The following ALDH4A1 variants were observed in gnomAD, a reference collection of about 807,000 sequenced individuals.
ALDH4A1 encodes the protein delta-1-pyrroline-5-carboxylate dehydrogenase, mitochondrial.
ALDH4A1 carries 46 observed loss-of-function variants against 70.5 expected under a neutral mutation model. The observed-to-expected ratio is 0.65, with a 90% CI of 0.51 to 0.83. ALDH4A1 has a LOEUF of 0.83. Among genes scored for constraint, ALDH4A1 ranks in the 40% least tolerant of loss-of-function variants. The pLI is 0.00. For synonymous variants in ALDH4A1, 323 were observed against 324.3 expected (o/e 1.00, Z 0.04); for missense variants, 749 against 766.5 (o/e 0.98, Z 0.27).
At chr1:18,879,511 T>C in intron 8 of ALDH4A1, 138 bp from the exon 9 acceptor site, 1 of 767,334 alleles carries the variant, frequency 1.3e-6, no homozygotes, top group Non-Finnish European at 2.3e-6. Context: ...GGGAACAGGC[T>C]GCATTCCAAG....
In ALDH4A1 at chr1:18,898,801, A is replaced by C. The variant is rs1935705697; in HGVS notation, c.62+3661T>G. On this transcript the variant is annotated intron_variant, in intron 1 of 14. Coordinates refer to ENST00000375341, the MANE Select transcript of ALDH4A1 (RefSeq NM_003748.4). The surrounding 1 kb of genome is among the most constrained non-coding windows in gnomAD (Gnocchi z 4.3). ...TTCAACGCCTACTGTGTGCCGGGCCAGATGCAGGGCACAGGAGGCAGGCTG... is the reference window on the plus strand; with the variant it reads ...TTCAACGCCTACTGTGTGCCGGGCCCGATGCAGGGCACAGGAGGCAGGCTG... Among the ~76,000 whole-genome samples the C allele has an allele frequency of 6.6e-6, 1 of 152,262 alleles. No individual in the cohort carries two copies. The highest frequency in any genetic ancestry group is 6.5e-5 in the Admixed American group (1 of 15,288).
In ALDH4A1 at chr1:18,880,327, G is replaced by GC. The variant is rs1450923536; in HGVS notation, c.867-955dup. On this transcript the variant is annotated intron_variant, in intron 8 of 14. Coordinates refer to ENST00000375341, the MANE Select transcript of ALDH4A1 (RefSeq NM_003748.4). The surrounding 1 kb of genome is among the most constrained non-coding windows in gnomAD (Gnocchi z 5.1). ...CAACAGGAGATTCATCTTCCCCCGAGCCCGCTCGCCCTCCCAGGTGCCCAT... is the reference window on the plus strand; with the variant it reads ...CAACAGGAGATTCATCTTCCCCCGAGCCCCGCTCGCCCTCCCAGGTGCCCAT... 1.3e-5 allele frequency among the ~76,000 whole-genome samples: 2 copies of GC among 152,028 alleles called. No individual in the cohort carries two copies. The highest frequency in any genetic ancestry group is 2.9e-5 in the Non-Finnish European group (2 of 67,966).
At chr1:18,882,818 G>C in intron 7 of ALDH4A1, 1 of 599,032 alleles carries the variant, frequency 1.7e-6, no homozygotes, top group East Asian at 3.2e-5. Context: ...GCTGCTGGAT[G>C]TGTCTCATTT....
intron 9 of ALDH4A1, 57 bp downstream of exon 9, chr1:18,879,243 T>C (rs1934863469): frequency 6.7e-7 from 1 of 1,498,056 alleles, no homozygotes; most frequent in Non-Finnish European, 9.1e-7. Context: ...TCTTTCATAA[T>C]GGCCAGGGGA....
chr1:18,892,566 G>GA (rs939002977), intron 1 of ALDH4A1, among the ~76,000 whole-genome samples: 3 of 151,576 alleles, frequency 2.0e-5, no homozygotes, highest in African/African-American at 7.3e-5. Flanking sequence ...GGCGGGGGGG[G>GA]GCTGAGAGGG....
intron 1 of ALDH4A1, among the ~76,000 whole-genome samples, chr1:18,901,831 T>C (rs1224283674): frequency 6.6e-6 from 1 of 151,842 alleles, no homozygotes; most frequent in Admixed American, 6.6e-5. Flanking sequence ...CACCTGCCAA[T>C]TGCCCGGCCA....
Position 18,889,913 on chromosome 1 carries a change from G to A in ALDH4A1, c.156+99C>T, listed in dbSNP as rs115635206. On this transcript the variant is annotated intron_variant, in intron 2 of 14. Coordinates refer to ENST00000375341, the MANE Select transcript of ALDH4A1 (RefSeq NM_003748.4). ...CAAGGCTGGGAGCAAGGGTAGAAGC[G>A]GGTGATGGCTGCAGGCACGGGGCGC... 3.1e-3 allele frequency: 3,215 copies of A among 1,041,894 alleles called. 56 individuals carry two copies. The African/African-American group carries it at 0.041, about 13-fold the overall frequency. 64.5% of individuals were successfully genotyped at this position (1,041,894 alleles called of 1,614,324 possible). A position where few individuals can be genotyped will look rare whatever the true frequency, so the allele number is the denominator to read the frequency against.
chr1:18,874,717 T>TG lies in ALDH4A1; in HGVS notation c.1461-137dup, dbSNP rs35163726. The TG allele has an allele frequency of 0.68, 570,361 of 844,528 alleles. 195,110 individuals carry two copies. Among genetic ancestry groups the TG allele is most frequent in the Admixed American group, 0.78 (41,128 of 52,664 alleles). The allele number at this position is 844,528 out of a possible 1,614,324, so 52.3% of individuals were successfully genotyped here. ...AGGCCGAGTCAGGGATGAGGGATGCTGCCAGCTGTTGGCTGTGGGCCTTCG... is the reference window on the plus strand; with the variant it reads ...AGGCCGAGTCAGGGATGAGGGATGCTGGCCAGCTGTTGGCTGTGGGCCTTCG... On this transcript the variant is annotated intron_variant, in intron 13 of 14. Transcript: ENST00000375341.
At chr1:18,900,973 G>A in intron 1 of ALDH4A1, 1 of 942,528 alleles carries the variant, frequency 1.1e-6, no homozygotes, top group South Asian at 4.9e-5. Flanking sequence ...ACTAGATATT[G>A]GAGGGTTTTC....
At chr1:18,874,722 G>A in intron 13 of ALDH4A1, 141 bp from the exon 14 acceptor site, 4 of 825,352 alleles carry the variant, frequency 4.8e-6, no homozygotes, top group Non-Finnish European at 2.0e-6. Flanking sequence ...GATGCTGCCA[G>A]CTGTTGGCTG....
At chr1:18,893,837 T>C (rs1935526933) in intron 1 of ALDH4A1, among the ~76,000 whole-genome samples, 1 of 152,200 alleles carries the variant, frequency 6.6e-6, no homozygotes, top group Non-Finnish European at 1.5e-5. Flanking sequence ...AAATTTTTGG[T>C]AAATGACTTA....
chr1:18,876,898 C>A (rs1446454962), intron 11 of ALDH4A1, among the ~76,000 whole-genome samples: 1 of 152,158 alleles, frequency 6.6e-6, no homozygotes, highest in Non-Finnish European at 1.5e-5. Context: ...TATGGAAAGA[C>A]CTACATGTGG....
At chr1:18,884,809 G>T (rs979038806) in intron 5 of ALDH4A1, among the ~76,000 whole-genome samples, 1 of 152,188 alleles carries the variant, frequency 6.6e-6, no homozygotes, top group African/African-American at 2.4e-5. Flanking sequence ...GAAGTCTCAC[G>T]GAGGGGGTGA....
At position 18,876,359 on chromosome 1, in the gene ALDH4A1, A is replaced by G; in HGVS notation, c.1294T>C (p.Cys432Arg). 2 of 1,613,926 alleles carry G rather than the reference A, an allele frequency of 1.2e-6. No individual in the cohort carries two copies. Among genetic ancestry groups the G allele is most frequent in the South Asian group, 1.1e-5 (1 of 91,078 alleles). The part of the protein sequence containing the change: ...DDSVGYFVEP[C>R]IVESKDPQEP... ...TGAGGGTCCTTGCTCTCCACGATGCAGGGCTCCACAAAGTAGCCCACGGAG... is the reference window on the plus strand; with the variant it reads ...TGAGGGTCCTTGCTCTCCACGATGCGGGGCTCCACAAAGTAGCCCACGGAG... The change falls in exon 12 of 15, where the codon TGC becomes CGC. Residue 432 changes from cysteine (C) to arginine (R), a missense_variant. Physicochemically the swap from Cys to Arg is radical, Grantham distance 180. Coordinates refer to ENST00000375341, the MANE Select transcript of ALDH4A1 (RefSeq NM_003748.4).
rs143934723 is a variant in ALDH4A1 at position 18,890,660 on chromosome 1, G to A, written c.63-555C>T. The A allele has an allele frequency of 2.2e-3, 2,207 of 984,198 alleles. 34 individuals carry two copies. In the African/African-American group the frequency reaches 0.036, roughly 16 times the overall value. 61.0% of individuals were successfully genotyped at this position (984,198 alleles called of 1,614,324 possible). ...TTGCCTCCTGTGAACGTGGTTCTAC[G>A]TCTATCAAGTAAGAATAATCGCACC... On this transcript the variant is annotated intron_variant, in intron 1 of 14. Coordinates refer to ENST00000375341, the MANE Select transcript of ALDH4A1 (RefSeq NM_003748.4).
intron 5 of ALDH4A1, among the ~76,000 whole-genome samples, chr1:18,883,821 A>G (rs1161344635): frequency 6.6e-6 from 1 of 152,158 alleles, no homozygotes; most frequent in African/African-American, 2.4e-5. Flanking sequence ...CATGAGCTGG[A>G]GATTGGTCAC....
rs1569741919 is a variant in ALDH4A1 at position 18,880,215 on chromosome 1, G to T, written c.867-842C>A. Among the ~76,000 whole-genome samples the T allele has an allele frequency of 6.9e-6, 1 of 145,868 alleles. No homozygotes were observed. Among genetic ancestry groups the T allele is most frequent in the Non-Finnish European group, 1.5e-5 (1 of 66,302 alleles). The stretch of plus-strand genomic sequence containing the variant: ...AGGGGGTGGCAGAGCCTGGGGCCTG[G>T]AAGAGGAGGTAAGAAGGACCCTGAG... On this transcript the variant is annotated intron_variant, in intron 8 of 14. Coordinates refer to ENST00000375341, the MANE Select transcript of ALDH4A1 (RefSeq NM_003748.4). This position sits in a 1 kb window ranked among gnomAD's most constrained non-coding sequence, Gnocchi z 5.1.
chr1:18,900,080 G>A (rs1935750223), intron 1 of ALDH4A1, among the ~76,000 whole-genome samples: 2 of 152,106 alleles, frequency 1.3e-5, no homozygotes, highest in Non-Finnish European at 2.9e-5. Context: ...CCTCTGTGTG[G>A]TACAATTCCA....
intron 13 of ALDH4A1, among the ~76,000 whole-genome samples, 189 bp downstream of exon 13, chr1:18,875,193 T>C (rs1934621470): frequency 6.6e-6 from 1 of 152,140 alleles, no homozygotes; most frequent in Non-Finnish European, 1.5e-5. Context: ...GCACCACCAG[T>C]ACCGGCAACA....
Sources: gnomAD v4.1 joint callset for allele counts (sites outside exome capture counted in the v4.1 genomes callset) on GRCh38, gnomAD v4.1.1 for gene constraint, Gnocchi (gnomAD v3.1) non-coding constraint, MANE v1.5 for transcripts, NCBI Gene and HGNC (gene_info 2026-07-23, HGNC 2026-07-21) for gene names.